Variants in ZNF385D observed in about 807,000 individuals in gnomAD.
ZNF385D encodes the protein zinc finger protein 659.
Under a neutral mutation model 35.8 loss-of-function variants are expected in ZNF385D, and 15 were observed. That is an observed-to-expected ratio of 0.42 (90% confidence interval 0.28 to 0.64). The LOEUF (loss-of-function observed/expected upper bound fraction) is 0.64. Ranked by LOEUF, ZNF385D falls within the 30% of genes least tolerant of loss-of-function variation. The pLI is 0.23. For synonymous variants in ZNF385D, 212 were observed against 186.8 expected (o/e 1.13, Z -1.10); for missense variants, 474 against 494.6 (o/e 0.96, Z 0.39).
rs114692977 is a variant in ZNF385D, at chr3:22,191,581, A to G, written c.107-22546T>C. Among the ~76,000 whole-genome samples, 1,016 of 152,098 alleles carry G rather than the reference A, an allele frequency of 6.7e-3. 6 individuals are homozygous for G. The highest frequency in any genetic ancestry group is 0.023 in the African/African-American group (948 of 41,502). On this transcript the variant is annotated intron_variant, in intron 2 of 5. Transcript: ENST00000494108. ...TTCTTTTAGAGTTAATTCTAGGTGT[A>G]GAATATGTATGATAAAATATGAACA...
At chr3:22,328,784 A>G (rs1268327735) in intron 2 of ZNF385D, among the ~76,000 whole-genome samples, 3 of 151,074 alleles carry the variant, frequency 2.0e-5, no homozygotes, top group Non-Finnish European at 4.4e-5. Context: ...TTAATAAAAA[A>G]GAGTTTATTG....
chr3:21,604,349 C>T (rs570382686), intron 2 of ZNF385D, among the ~76,000 whole-genome samples: 8 of 152,234 alleles, frequency 5.3e-5, no homozygotes, highest in African/African-American at 1.7e-4. Flanking sequence ...GAAAGACATT[C>T]GCTTTGTTTG....
At chr3:21,903,464 CAG>C (rs1414908610) in intron 3 of ZNF385D, among the ~76,000 whole-genome samples, 4 of 152,136 alleles carry the variant, frequency 2.6e-5, no homozygotes, top group African/African-American at 9.7e-5. Context: ...GCTTCATAGA[CAG>C]TATCATCTCA....
At chr3:21,430,466 G>C (rs776819994) in intron 5 of ZNF385D, among the ~76,000 whole-genome samples, 1 of 152,048 alleles carries the variant, frequency 6.6e-6, no homozygotes, top group Non-Finnish European at 1.5e-5. Context: ...AATGGACCCT[G>C]TGACCAAAGG....
At chr3:22,134,850 C>A (rs1704011645) in intron 3 of ZNF385D, among the ~76,000 whole-genome samples, 1 of 152,000 alleles carries the variant, frequency 6.6e-6, no homozygotes, top group Non-Finnish European at 1.5e-5. Context: ...TATAAGGTAC[C>A]CACTCTTGGC....
intron 3 of ZNF385D, among the ~76,000 whole-genome samples, chr3:22,094,428 T>C (rs921790109): frequency 7.5e-5 from 6 of 79,748 alleles, no homozygotes; most frequent in African/African-American, 2.6e-4. Context: ...TTGTGTCATA[T>C]GAGTCCTCCA....
chr3:22,127,915 T>C (rs1703534644), intron 3 of ZNF385D, among the ~76,000 whole-genome samples: 1 of 152,206 alleles, frequency 6.6e-6, no homozygotes, highest in Non-Finnish European at 1.5e-5. Flanking sequence ...CTACTAAAGA[T>C]ATGAGTAGTT....
At chr3:22,286,064 A>G (rs1702006568) in intron 2 of ZNF385D, among the ~76,000 whole-genome samples, 1 of 152,160 alleles carries the variant, frequency 6.6e-6, no homozygotes, top group East Asian at 1.9e-4. Flanking sequence ...ATAATAAACT[A>G]CAGTGGTGTA....
At chr3:22,313,982 C>G (rs1193522540) in intron 2 of ZNF385D, among the ~76,000 whole-genome samples, 1 of 152,152 alleles carries the variant, frequency 6.6e-6, no homozygotes, top group African/African-American at 2.4e-5. Context: ...AAGTTCTGAT[C>G]TGCATTTGTT....
At chr3:22,160,028 G>C (rs1705845859) in intron 3 of ZNF385D, among the ~76,000 whole-genome samples, 1 of 151,968 alleles carries the variant, frequency 6.6e-6, no homozygotes, top group East Asian at 1.9e-4. Flanking sequence ...CATGGGGCCA[G>C]TTTTCCCCAT....
chr3:22,045,306 G>C (rs768166948), intron 3 of ZNF385D, among the ~76,000 whole-genome samples: 2 of 151,946 alleles, frequency 1.3e-5, no homozygotes, highest in Non-Finnish European at 2.9e-5. Context: ...ATTATTGCTT[G>C]GTGTGATCAT....
intron 3 of ZNF385D, among the ~76,000 whole-genome samples, chr3:21,851,705 A>G (rs1696398524): frequency 6.6e-6 from 1 of 152,048 alleles, no homozygotes; most frequent in South Asian, 2.1e-4. Flanking sequence ...TTTCAATGAC[A>G]TACAATTCAA....
chr3:21,602,144 A>G (rs2064312431), intron 2 of ZNF385D, among the ~76,000 whole-genome samples: 2 of 152,084 alleles, frequency 1.3e-5, no homozygotes, highest in Admixed American at 1.3e-4. Context: ...CCCATTTATA[A>G]AACTATCAGC....
At chr3:22,330,127 C>T (rs778591110) in intron 2 of ZNF385D, among the ~76,000 whole-genome samples, 18 of 152,062 alleles carry the variant, frequency 1.2e-4, no homozygotes, top group Admixed American at 2.6e-4. Context: ...CTTTTCATTT[C>T]GATGAGTACA....
At chr3:21,870,536 T>A (rs1300297692) in intron 3 of ZNF385D, among the ~76,000 whole-genome samples, 1 of 152,190 alleles carries the variant, frequency 6.6e-6, no homozygotes, top group Non-Finnish European at 1.5e-5. Context: ...GTATCTGATC[T>A]CTGATTTTAA....
At chr3:21,975,424 GGAAT>G (rs1303923673) in intron 3 of ZNF385D, among the ~76,000 whole-genome samples, 1 of 151,824 alleles carries the variant, frequency 6.6e-6, no homozygotes, top group African/African-American at 2.4e-5. Flanking sequence ...AGTGAGGATG[GGAAT>G]AATTAATGGG....
intron 3 of ZNF385D, among the ~76,000 whole-genome samples, chr3:22,075,656 C>G (rs1700428136): frequency 1.3e-5 from 2 of 151,824 alleles, no homozygotes; most frequent in African/African-American, 4.8e-5. Flanking sequence ...TGCTTGAGTT[C>G]TCTTTTCTTT....
chr3:22,032,197 T>C (rs752915883), intron 3 of ZNF385D, among the ~76,000 whole-genome samples: 5 of 152,250 alleles, frequency 3.3e-5, no homozygotes, highest in Non-Finnish European at 5.9e-5. Context: ...TGTCTTCTTC[T>C]GAGCCTTCCA....
intron 2 of ZNF385D, among the ~76,000 whole-genome samples, chr3:22,189,038 A>ATT (rs35524906): frequency 1.6e-4 from 24 of 151,326 alleles, no homozygotes; most frequent in African/African-American, 4.6e-4. Flanking sequence ...AAAAACCAGC[A>ATT]TTTTTTTTTC....
Sources: gnomAD v4.1 joint callset for allele counts (sites outside exome capture counted in the v4.1 genomes callset) on GRCh38, gnomAD v4.1.1 for gene constraint, MANE v1.5 for transcripts, NCBI Gene and HGNC (gene_info 2026-07-23, HGNC 2026-07-21) for gene names.